RBFOX1: variants seen among roughly 807,000 people sequenced by gnomAD.
RBFOX1 encodes the protein RNA binding fox-1 homolog 1, also known as RNA binding protein fox-1 homolog 1.
In RBFOX1, 8 loss-of-function variants were observed where a neutral mutation model predicts 57.7. The ratio of observed to expected loss-of-function variants is 0.14; its 90% CI spans 0.08 to 0.25. The LOEUF (loss-of-function observed/expected upper bound fraction) is 0.25, where lower values mean the gene tolerates loss of function less well. Among genes scored for constraint, RBFOX1 ranks in the 10% least tolerant of loss-of-function variants. The probability of loss-of-function intolerance (pLI) is 1.00; values close to 1 mark genes in which losing one functional copy is unlikely to be tolerated. For missense variants in RBFOX1, 611 were observed against 548.5 expected, an observed-to-expected ratio of 1.11 and a Z score of -1.14; for synonymous variants, 326 against 222.4, an observed-to-expected ratio of 1.47 and a Z score of -4.15.
chr16:7,689,411 G>A (rs938277620), intron 14 of RBFOX1, among the ~76,000 whole-genome samples: 1 of 152,156 alleles, frequency 6.6e-6, no homozygotes, highest in Non-Finnish European at 1.5e-5. Context: ...GTAAGAAGCA[G>A]CAGGAGGCGT....
At chr16:6,070,238 T>A (rs2095819364) in intron 1 of RBFOX1, among the ~76,000 whole-genome samples, 1 of 152,218 alleles carries the variant, frequency 6.6e-6, no homozygotes, top group Admixed American at 6.5e-5. Context: ...AAATATTCTG[T>A]ATGTGGCTCC....
chr16:7,028,277 T>C (rs1294342931), intron 3 of RBFOX1, among the ~76,000 whole-genome samples: 9 of 152,124 alleles, frequency 5.9e-5, no homozygotes, highest in Non-Finnish European at 2.9e-5. Flanking sequence ...TCTAATCAAA[T>C]TGGCACACAG....
intron 2 of RBFOX1, among the ~76,000 whole-genome samples, chr16:6,565,261 C>CT (rs71145253): frequency 3.7e-4 from 55 of 147,728 alleles, no homozygotes; most frequent in African/African-American, 1.1e-3. Context: ...CTTTTCTTTT[C>CT]TTTTTTTTTG....
intron 4 of RBFOX1, among the ~76,000 whole-genome samples, chr16:5,928,289 T>A (rs1263073125): frequency 6.6e-6 from 1 of 151,816 alleles, no homozygotes; most frequent in Admixed American, 6.6e-5. Flanking sequence ...ACTGTGTTGC[T>A]CTGGCTGGTC....
At chr16:7,079,872 G>A (rs1224253627) in intron 4 of RBFOX1, among the ~76,000 whole-genome samples, 4 of 151,882 alleles carry the variant, frequency 2.6e-5, no homozygotes, top group Admixed American at 1.3e-4. Flanking sequence ...AGTGAGTGTA[G>A]AATTCCAGTT....
At chr16:6,524,115 C>T (rs1349933362) in intron 2 of RBFOX1, among the ~76,000 whole-genome samples, 1 of 152,114 alleles carries the variant, frequency 6.6e-6, no homozygotes, top group African/African-American at 2.4e-5. Context: ...TTCATGTACC[C>T]ATTAACCACC....
intron 2 of RBFOX1, among the ~76,000 whole-genome samples, chr16:6,448,156 C>CTTTCTTTTTTTTTTT (rs2094523593): frequency 1.3e-5 from 1 of 78,474 alleles, no homozygotes; most frequent in African/African-American, 5.6e-5. Context: ...TCTTTTCTTT[C>CTTTCTTTTTTTTTTT]TTTTTTTTTT....
In RBFOX1 at chr16:5,367,371, G is replaced by T. The variant is rs533307729; in HGVS notation, c.220-99845G>T. On this transcript the variant is annotated intron_variant, in intron 1 of 2. Coordinates refer to the RBFOX1 transcript ENST00000585867. ...TCCCATGGCTGGAGGATTACTCCTA[G>T]GTAGAGAGACGCAGGTGCTTGAATA... 6.8e-4 allele frequency among the ~76,000 whole-genome samples: 103 copies of T among 152,260 alleles called. 1 individual carries two copies. The highest frequency in any genetic ancestry group is 2.3e-3 in the African/African-American group (97 of 41,550).
intron 2 of RBFOX1, among the ~76,000 whole-genome samples, chr16:6,417,477 T>A (rs527997000): frequency 6.9e-5 from 10 of 145,934 alleles, no homozygotes; most frequent in African/African-American, 2.5e-4. Flanking sequence ...GCAATCTCTG[T>A]CTCCTGAGTT....
chr16:5,269,762 T>A (rs1331236697), intron 1 of RBFOX1, among the ~76,000 whole-genome samples: 4 of 152,204 alleles, frequency 2.6e-5, no homozygotes, highest in African/African-American at 4.8e-5. Flanking sequence ...TAGTAATGTT[T>A]GTGTATATCT....
intron 1 of RBFOX1, among the ~76,000 whole-genome samples, chr16:6,297,407 C>T (rs2078248195): frequency 7.1e-6 from 1 of 141,530 alleles, no homozygotes; most frequent in African/African-American, 2.4e-5. Flanking sequence ...CATGGATCTG[C>T]TGTTTCACTG....
intron 3 of RBFOX1, among the ~76,000 whole-genome samples, chr16:5,691,400 A>C (rs2050676750): frequency 6.6e-6 from 1 of 152,130 alleles, no homozygotes. Context: ...CCATTTGTCC[A>C]CTAGGGCAGT....
chr16:6,111,115 A>T (rs942500470), intron 1 of RBFOX1, among the ~76,000 whole-genome samples: 1 of 152,142 alleles, frequency 6.6e-6, no homozygotes, highest in Non-Finnish European at 1.5e-5. Flanking sequence ...GATGGGCGAG[A>T]GAGGGAGATC....
At chr16:5,767,599 G>T (rs959888600) in intron 3 of RBFOX1, among the ~76,000 whole-genome samples, 1 of 152,158 alleles carries the variant, frequency 6.6e-6, no homozygotes, top group African/African-American at 2.4e-5. Flanking sequence ...TCCTGCTTTT[G>T]TCACACGCCT....
At chr16:6,694,665 A>T (rs1305413675) in intron 3 of RBFOX1, among the ~76,000 whole-genome samples, 1 of 152,094 alleles carries the variant, frequency 6.6e-6, no homozygotes, top group African/African-American at 2.4e-5. Flanking sequence ...TTGTTTTTCC[A>T]CATGGTAGCA....
chr16:6,089,954 C>T (rs1460987840), intron 1 of RBFOX1: 1 of 152,156 alleles, frequency 6.6e-6, no homozygotes, highest in Non-Finnish European at 1.5e-5. Context: ...TAGTATCTTA[C>T]AGTTCTGGAG....
intron 2 of RBFOX1, among the ~76,000 whole-genome samples, chr16:6,340,057 G>T (rs530192675): frequency 9.9e-5 from 15 of 151,828 alleles, no homozygotes; most frequent in African/African-American, 2.9e-4. Flanking sequence ...GGATGCAAAA[G>T]GTTGGTATCT....
In RBFOX1 at chr16:7,089,415, A is replaced by C. The variant is rs551670726; in HGVS notation, c.27+37317A>C. ...TGCTGATTTTTAAGCATTAAAAAAAAGTAGTCACGTGGGATTGTCGCCTCA... is the reference window on the plus strand; with the variant it reads ...TGCTGATTTTTAAGCATTAAAAAAACGTAGTCACGTGGGATTGTCGCCTCA... On this transcript the variant is annotated intron_variant, in intron 4 of 15. Transcript: ENST00000550418. Among the ~76,000 whole-genome samples, 282 of 150,476 alleles carry C rather than the reference A, an allele frequency of 1.9e-3. 4 individuals are homozygous for C. The highest frequency in any genetic ancestry group is 3.0e-3 in the Non-Finnish European group (204 of 67,742).
intron 4 of RBFOX1, among the ~76,000 whole-genome samples, chr16:5,930,198 G>A (rs1013294772): frequency 1.5e-5 from 2 of 134,008 alleles, no homozygotes; most frequent in East Asian, 4.5e-4. Context: ...TTAAAAGAAA[G>A]AAGAATGGAT....
Sources: allele counts gnomAD v4.1 joint callset (sites outside exome capture counted in the v4.1 genomes callset), GRCh38; gene constraint gnomAD v4.1.1; transcripts MANE v1.5; gene names NCBI Gene and HGNC (gene_info 2026-07-23, HGNC 2026-07-21).